HERC1: variants seen among roughly 807,000 people sequenced by gnomAD.
The protein encoded by HERC1 is probable E3 ubiquitin-protein ligase HERC1.
Under a neutral mutation model 554.3 loss-of-function variants are expected in HERC1, and 160 were observed. The observed-to-expected ratio is 0.29, with a 90% CI of 0.25 to 0.33. The LOEUF (loss-of-function observed/expected upper bound fraction) is 0.33, where lower values mean the gene tolerates loss of function less well. HERC1 is among the 10% of genes least tolerant of loss of function. The pLI is 1.00. For missense variants in HERC1, 4,919 were observed against 5,918.5 expected (o/e 0.83, Z 5.54); for synonymous variants, 2,175 against 2,131.7 (o/e 1.02, Z -0.56).
chr15:63,609,417 G>A (rs918450342), intron 77 of HERC1, among the ~76,000 whole-genome samples, 151 bp from the exon 78 acceptor site: 6 of 152,236 alleles, frequency 3.9e-5, no homozygotes, highest in Admixed American at 3.3e-4. Flanking sequence ...CAGATAGAAT[G>A]AGCTGAGGCC....
chr15:63,651,376 C>A lies in HERC1; in HGVS notation c.10423G>T (p.Gly3475Trp), dbSNP rs746490074. The change falls in exon 53 of 78, where the codon GGG becomes TGG. Residue 3475 changes from glycine (G) to tryptophan (W), a missense_variant. Physicochemically the swap from Gly to Trp is radical, Grantham distance 184 (BLOSUM62 -2). Around this residue, in one of 11 missense-constraint regions of HERC1, gnomAD observed 1,963 missense variants for 2,228.6 expected, o/e 0.88. Transcript: ENST00000443617. The part of the protein sequence containing the change: ...QQTCVFNRLE[G>W]DAEESLGSPS... ...GATCCCAGGCTTTCCTCAGCATCCC[C>A]TTCCCTAGAATATAACAGACAGATA... is the stretch of plus-strand genomic sequence containing the variant. The A allele has an allele frequency of 6.2e-7, 1 of 1,613,076 alleles. No homozygotes were observed. Among genetic ancestry groups the A allele is most frequent in the Non-Finnish European group, 8.5e-7 (1 of 1,179,402 alleles).
rs766077066 is a variant in HERC1, at chr15:63,712,803, G to A, written c.4556C>T (p.Pro1519Leu). ...TGCGTAACCCTCTTCATCTGATTCA[G>A]GCTGAGACAAATCAGATTCACTCCT... Reference protein sequence around the residue: ...KSRSESDLSQPESDEEGYALS... With the variant: ...KSRSESDLSQLESDEEGYALS... Residue 1519 changes from proline to leucine, a missense_variant, in exon 24 of 78, where the codon CCT becomes CTT. By Grantham distance (98) the Pro-to-Leu change is moderately conservative (BLOSUM62 -3). This residue lies in a region of HERC1 where 1,121 missense variants were observed against 1,244.0 expected (regional missense o/e 0.90). Coordinates refer to ENST00000443617, the MANE Select transcript of HERC1 (RefSeq NM_003922.4). 1 of 1,613,706 alleles carries A rather than the reference G, an allele frequency of 6.2e-7. No homozygotes were observed. The highest frequency in any genetic ancestry group is 8.5e-7 in the Non-Finnish European group (1 of 1,179,744).
At chr15:63,751,447 T>G (rs899562130) in intron 8 of HERC1, among the ~76,000 whole-genome samples, 1 of 152,160 alleles carries the variant, frequency 6.6e-6, no homozygotes, top group Admixed American at 6.5e-5. Context: ...TCAGAACATA[T>G]CCCATTAAGT....
chr15:63,647,622 G>A (rs1336559357), intron 55 of HERC1, among the ~76,000 whole-genome samples: 1 of 152,140 alleles, frequency 6.6e-6, no homozygotes, highest in Non-Finnish European at 1.5e-5. Flanking sequence ...ATGGATGACT[G>A]GATAACGAAA....
intron 1 of HERC1, among the ~76,000 whole-genome samples, chr15:63,826,814 A>ATAT (rs10524877): frequency 2.7e-4 from 6 of 22,244 alleles, no homozygotes; most frequent in Admixed American, 8.2e-4. Flanking sequence ...AAAAAAAAAA[A>ATAT]ATATATATAT....
chr15:63,708,275 ATT>A, intron 24 of HERC1, among the ~76,000 whole-genome samples: 1 of 152,054 alleles, frequency 6.6e-6, no homozygotes. Context: ...CTCTTGAACA[ATT>A]TTGTTTTTTA....
chr15:63,708,872 G>T (rs1051037521), intron 24 of HERC1, among the ~76,000 whole-genome samples: 2 of 152,184 alleles, frequency 1.3e-5, no homozygotes, highest in Non-Finnish European at 2.9e-5. Flanking sequence ...TGAAGCTGAA[G>T]GCTTAGCCCA....
At chr15:63,730,457 A>ATAAAAT (rs1407790549) in intron 14 of HERC1, among the ~76,000 whole-genome samples, 3 of 152,158 alleles carry the variant, frequency 2.0e-5, no homozygotes, top group Non-Finnish European at 4.4e-5. Flanking sequence ...CCTGTCTCTA[A>ATAAAAT]TAAAATTAAA....
chr15:63,711,495 T>C (rs1239418151), intron 24 of HERC1, among the ~76,000 whole-genome samples: 2 of 152,094 alleles, frequency 1.3e-5, no homozygotes, highest in Admixed American at 6.5e-5. Flanking sequence ...GGAGGAAGTA[T>C]AAACAAAATG....
intron 12 of HERC1, among the ~76,000 whole-genome samples, chr15:63,735,707 T>C (rs542348665): frequency 7.9e-5 from 12 of 152,280 alleles, no homozygotes; most frequent in Admixed American, 7.8e-4. Flanking sequence ...ATAAACTCCA[T>C]AGCGCCTGTC....
At chr15:63,619,584 C>T (rs1417815371) in intron 74 of HERC1, among the ~76,000 whole-genome samples, 1 of 152,150 alleles carries the variant, frequency 6.6e-6, no homozygotes, top group Non-Finnish European at 1.5e-5. Context: ...CCAGCTCCTC[C>T]TTGTACCTCT....
chr15:63,744,164 G>GTGTGTGTGTGTGTGTGTGTGTGTGTCTC, intron 12 of HERC1, among the ~76,000 whole-genome samples: 1 of 46,220 alleles, frequency 2.2e-5, no homozygotes, highest in Non-Finnish European at 5.3e-5. Flanking sequence ...GTGTGTGTGT[G>GTGTGTGTGTGTGTGTGTGTGTGTGTCTC]TCTCTCTCTC....
intron 77 of HERC1, among the ~76,000 whole-genome samples, chr15:63,610,339 T>C (rs933294866): frequency 2.0e-5 from 3 of 152,192 alleles, no homozygotes; most frequent in Admixed American, 6.5e-5. Context: ...TAGGTGGCTC[T>C]GATGACCTAA....
At chr15:63,785,577 T>C (rs1440558816) in intron 1 of HERC1, among the ~76,000 whole-genome samples, 1 of 152,148 alleles carries the variant, frequency 6.6e-6, no homozygotes, top group Non-Finnish European at 1.5e-5. Context: ...AAGACCAGCC[T>C]GCACAACATG....
In HERC1 at chr15:63,628,750, A is replaced by G. The variant is rs1254416166; in HGVS notation, c.13032T>C (p.Asn4344=). The G allele has an allele frequency of 6.2e-7, 1 of 1,613,814 alleles. No individual in the cohort carries two copies. Among genetic ancestry groups the G allele is most frequent in the Non-Finnish European group, 8.5e-7 (1 of 1,179,872 alleles). Residue 4344 remains asparagine (N), a synonymous_variant, in exon 70 of 78, where the codon AAT becomes AAC. Transcript: ENST00000443617. ...PTLVTGLQGK[N]VRQISAGRCH... Reference sequence around the variant, plus strand: ...AGCGGCCAGCCGAGATCTGCCGAACATTTTTCCCTTGCAGACCTGTTACCA... The same window carrying G: ...AGCGGCCAGCCGAGATCTGCCGAACGTTTTTCCCTTGCAGACCTGTTACCA...
At chr15:63,696,471 T>C in intron 26 of HERC1, 132 bp from the exon 27 acceptor site, 1 of 616,708 alleles carries the variant, frequency 1.6e-6, no homozygotes, top group East Asian at 2.8e-5. Flanking sequence ...AGATAAACAT[T>C]TATTTTATTA....
intron 1 of HERC1, among the ~76,000 whole-genome samples, chr15:63,829,919 G>C (rs2078099736): frequency 6.6e-6 from 1 of 152,026 alleles, no homozygotes. Context: ...AGAAAATAGA[G>C]ATCCCATAAG....
intron 1 of HERC1, among the ~76,000 whole-genome samples, chr15:63,828,582 G>A (rs901533329): frequency 6.6e-6 from 1 of 151,960 alleles, no homozygotes. Flanking sequence ...CAGGTGATCC[G>A]CCCTCCTCGG....
chr15:63,731,245 G>A (rs1245690185), intron 14 of HERC1, among the ~76,000 whole-genome samples: 1 of 151,982 alleles, frequency 6.6e-6, no homozygotes, highest in Non-Finnish European at 1.5e-5. Context: ...AGAAAATTTG[G>A]TTTATGTGTA....
Sources: allele counts gnomAD v4.1 joint callset (sites outside exome capture counted in the v4.1 genomes callset), GRCh38; gene constraint gnomAD v4.1.1; regional missense constraint gnomAD v4.1.1; transcripts MANE v1.5; gene names NCBI Gene and HGNC (gene_info 2026-07-23, HGNC 2026-07-21).